CDKN2B: variants seen among roughly 807,000 people sequenced by gnomAD.
The protein encoded by CDKN2B is cyclin-dependent kinase 4 inhibitor B.
CDKN2B carries 8 observed loss-of-function variants against 7.7 expected under a neutral mutation model. The observed-to-expected ratio is 1.04, with a 90% CI of 0.61 to 1.87. The LOEUF (loss-of-function observed/expected upper bound fraction) is 1.87. Ranked by LOEUF, CDKN2B falls within the 40% of genes most tolerant of loss-of-function variation. The pLI is 0.00. For synonymous variants in CDKN2B, 93 were observed against 95.8 expected (o/e 0.97, Z 0.17); for missense variants, 244 against 213.1 (o/e 1.15, Z -0.90).
In CDKN2B at chr9:22,008,997, G is replaced by A. The variant is rs767144669; in HGVS notation, c.-44C>T. On this transcript the variant is annotated 5_prime_UTR_variant, in exon 1 of 2. Transcript: ENST00000276925. ...GCAGCGGCCCGGATAATCCACCGTTGGCCGTAAACTTAACGACACTCTTCC... is the reference window on the plus strand; with the variant it reads ...GCAGCGGCCCGGATAATCCACCGTTAGCCGTAAACTTAACGACACTCTTCC... The A allele has an allele frequency of 1.2e-6, 2 of 1,613,312 alleles. No homozygotes were observed. Among genetic ancestry groups the A allele is most frequent in the South Asian group, 2.2e-5 (2 of 91,058 alleles).
At position 22,003,888 on chromosome 9, in the gene CDKN2B, A is replaced by T. The variant is rs181031884; in HGVS notation, c.*2099T>A. 3,655 of 231,882 alleles carry T rather than the reference A, an allele frequency of 0.016. 331 individuals are homozygous for T. The East Asian group carries it at 0.19, about 12-fold the overall frequency. 14.4% of individuals were successfully genotyped at this position (231,882 alleles called of 1,614,324 possible). ...TCATTGTGTATTTCTGCTTTTTTTT[A>T]AAAAAAGTTATCTTCATGTGTATCA... On this transcript the variant is annotated 3_prime_UTR_variant, in exon 2 of 2. Coordinates refer to ENST00000276925, the MANE Select transcript of CDKN2B (RefSeq NM_004936.4).
Position 22,006,374 on chromosome 9 carries a change from G to T in CDKN2B, c.157-127C>A. On this transcript the variant is annotated intron_variant, in intron 1 of 1. Coordinates refer to ENST00000276925, the MANE Select transcript of CDKN2B (RefSeq NM_004936.4). This position sits in a 1 kb window ranked among gnomAD's most constrained non-coding sequence, Gnocchi z 6.4. ...CAAAGTTTTCACCCAGTGCAGAGGT[G>T]TTCAGGTCTCTGATGTCTGGTGTTT... The T allele has an allele frequency of 7.7e-7, 1 of 1,296,854 alleles. No homozygotes were observed. Among genetic ancestry groups the T allele is most frequent in the Non-Finnish European group, 1.1e-6 (1 of 931,620 alleles). The allele number at this position is 1,296,854 out of a possible 1,614,324, so 80.3% of individuals were successfully genotyped here.
At position 22,008,949 on chromosome 9, in the gene CDKN2B, C is replaced by G; in HGVS notation, c.5G>C (p.Arg2Pro). M[R>P]EENKGMPSGG... ...ACTGGGCATGCCCTTGTTCTCCTCG[C>G]GCATTCCGCAGCCCCCAGACGCGCA... Residue 2 changes from arginine (R) to proline (P), a missense_variant, in exon 1 of 2, where the codon CGC becomes CCC. Physicochemically the swap from Arg to Pro is moderately radical, Grantham distance 103 (BLOSUM62 -2). Coordinates refer to ENST00000276925, the MANE Select transcript of CDKN2B (RefSeq NM_004936.4). 1 of 1,613,058 alleles carries G rather than the reference C, an allele frequency of 6.2e-7. No homozygotes were observed. The highest frequency in any genetic ancestry group is 8.5e-7 in the Non-Finnish European group (1 of 1,179,962).
Position 22,009,100 on chromosome 9 carries a change from C to A in CDKN2B, c.-147G>T. 7.9e-7 allele frequency: 1 copy of A among 1,266,958 alleles called. No homozygotes were observed. Among genetic ancestry groups the A allele is most frequent in the Non-Finnish European group, 1.1e-6 (1 of 895,708 alleles). 78.5% of individuals were successfully genotyped at this position (1,266,958 alleles called of 1,614,324 possible). A position where few individuals can be genotyped will look rare whatever the true frequency, so the allele number is the denominator to read the frequency against. ...TCAGCTTCATTACCCTCCCGTCGTC[C>A]TTCTGCGGCTTGGGGCCCCGTGCAG... On this transcript the variant is annotated 5_prime_UTR_variant, in exon 1 of 2. It adds an upstream start codon to the 5' untranslated region. Transcript: ENST00000276925.
At position 22,004,433 on chromosome 9, in the gene CDKN2B, G is replaced by A. The variant is rs1821069190; in HGVS notation, c.*1554C>T. 1 of 232,238 alleles carries A rather than the reference G, an allele frequency of 4.3e-6. No homozygotes were observed. The highest frequency in any genetic ancestry group is 1.8e-4 in the South Asian group (1 of 5,518). 14.4% of individuals were successfully genotyped at this position (232,238 alleles called of 1,614,324 possible). On this transcript the variant is annotated 3_prime_UTR_variant, in exon 2 of 2. Coordinates refer to ENST00000276925, the MANE Select transcript of CDKN2B (RefSeq NM_004936.4). Reference sequence around the variant, plus strand: ...CATAAGTAAGCAGTTTTTATGAATTGCTGGTATTGCTTATGAGCAATTATT... The same window carrying A: ...CATAAGTAAGCAGTTTTTATGAATTACTGGTATTGCTTATGAGCAATTATT...
rs1025941833 is a variant in CDKN2B at position 22,005,418 on chromosome 9, T to A, written c.*569A>T. On this transcript the variant is annotated 3_prime_UTR_variant, in exon 2 of 2. Coordinates refer to ENST00000276925, the MANE Select transcript of CDKN2B (RefSeq NM_004936.4). The surrounding 1 kb of genome is among the most constrained non-coding windows in gnomAD (Gnocchi z 4.9). ...TGTCGTTTACGCATGTGACTTGCCATGCGCTCAAACTAAAGCGCCGCCGGG... is the reference window on the plus strand; with the variant it reads ...TGTCGTTTACGCATGTGACTTGCCAAGCGCTCAAACTAAAGCGCCGCCGGG... 4 of 246,978 alleles carry A rather than the reference T, an allele frequency of 1.6e-5. No homozygotes were observed. The highest frequency in any genetic ancestry group is 6.6e-5 in the African/African-American group (3 of 45,424). 15.3% of individuals were successfully genotyped at this position (246,978 alleles called of 1,614,324 possible).
Position 22,005,467 on chromosome 9 carries a change from C to T in CDKN2B, c.*520G>A. The T allele has an allele frequency of 3.9e-6, 1 of 253,908 alleles. No homozygotes were observed. The highest frequency in any genetic ancestry group is 5.7e-5 in the East Asian group (1 of 17,694). 15.7% of individuals were successfully genotyped at this position (253,908 alleles called of 1,614,324 possible). On this transcript the variant is annotated 3_prime_UTR_variant, in exon 2 of 2. Transcript: ENST00000276925. This position sits in a 1 kb window ranked among gnomAD's most constrained non-coding sequence, Gnocchi z 4.9. ...GGGACTTACTGAAGCCCACCTCGGC[C>T]CTCCTCCACTTTGTCCTCAGTCTTC...
Position 22,008,850 on chromosome 9 carries a change from T to C in CDKN2B, c.104A>G (p.Glu35Gly). Residue 35 changes from glutamate to glycine, a missense_variant, in exon 1 of 2, where the codon GAA becomes GGA. By Grantham distance (98) the Glu-to-Gly change is moderately conservative. Coordinates refer to ENST00000276925, the MANE Select transcript of CDKN2B (RefSeq NM_004936.4). ...GLVEKVRQLL[E>G]AGADPNGVNR... ...GACTCCGTTGGGATCCGCGCCGGCTTCCAGGAGCTGTCGCACCTTCTCCAC... is the reference window on the plus strand; with the variant it reads ...GACTCCGTTGGGATCCGCGCCGGCTCCCAGGAGCTGTCGCACCTTCTCCAC... 6.2e-7 allele frequency: 1 copy of C among 1,610,782 alleles called. No individual in the cohort carries two copies. Among genetic ancestry groups the C allele is most frequent in the Non-Finnish European group, 8.5e-7 (1 of 1,178,902 alleles).
rs773900368 is a variant in CDKN2B, at chr9:22,008,991, A to C, written c.-38T>G. ...AGACGCGCAGCGGCCCGGATAATCCACCGTTGGCCGTAAACTTAACGACAC... is the reference window on the plus strand; with the variant it reads ...AGACGCGCAGCGGCCCGGATAATCCCCCGTTGGCCGTAAACTTAACGACAC... On this transcript the variant is annotated 5_prime_UTR_variant, in exon 1 of 2. Transcript: ENST00000276925. The C allele has an allele frequency of 3.7e-6, 6 of 1,613,302 alleles. No individual in the cohort carries two copies. Among genetic ancestry groups the C allele is most frequent in the South Asian group, 3.3e-5 (3 of 91,068 alleles).
chr9:22,008,546 T>G, intron 1 of CDKN2B: 1 of 937,856 alleles, frequency 1.1e-6, no homozygotes, highest in South Asian at 1.7e-5. Flanking sequence ...ATTCAGTCTA[T>G]TCCTTGCATC....
rs1396958764 is a variant in CDKN2B, at chr9:22,004,148, G to A, written c.*1839C>T. On this transcript the variant is annotated 3_prime_UTR_variant, in exon 2 of 2. Transcript: ENST00000276925. Reference sequence around the variant, plus strand: ...TTAATGCATACCTGGTACAGATTATGTGTCAATAAACATATCCTTTCCCCA... The same window carrying A: ...TTAATGCATACCTGGTACAGATTATATGTCAATAAACATATCCTTTCCCCA... 4 of 232,300 alleles carry A rather than the reference G, an allele frequency of 1.7e-5. No homozygotes were observed. Among genetic ancestry groups the A allele is most frequent in the Non-Finnish European group, 3.4e-5 (4 of 117,598 alleles). 14.4% of individuals were successfully genotyped at this position (232,300 alleles called of 1,614,324 possible).
At position 22,003,830 on chromosome 9, in the gene CDKN2B, A is replaced by G; in HGVS notation, c.*2157T>C. On this transcript the variant is annotated 3_prime_UTR_variant, in exon 2 of 2. Coordinates refer to ENST00000276925, the MANE Select transcript of CDKN2B (RefSeq NM_004936.4). ...GTTTATATTTACTAGAAGTTAGAGA[A>G]AGAAAAGCCACCTTAGGAGCTTACA... is the stretch of plus-strand genomic sequence containing the variant. 1 of 232,370 alleles carries G rather than the reference A, an allele frequency of 4.3e-6. No homozygotes were observed. The highest frequency in any genetic ancestry group is 8.5e-6 in the Non-Finnish European group (1 of 117,524). 14.4% of individuals were successfully genotyped at this position (232,370 alleles called of 1,614,324 possible).
At position 22,006,235 on chromosome 9, in the gene CDKN2B, CCAT is replaced by C. The variant is rs1430566019; in HGVS notation, c.166_168del (p.Met56del). 2.5e-6 allele frequency: 4 copies of C among 1,605,646 alleles called. No individual in the cohort carries two copies. The Admixed American group carries it at 6.7e-5, about 27-fold the overall frequency. ...AGCAGCTCCGCCACGCGGGCGCTGC[CCAT>C]CATCATGACCTGCCAGAGAGAGCAG... On this transcript the variant is annotated inframe_deletion, in exon 2 of 2. Coordinates refer to ENST00000276925, the MANE Select transcript of CDKN2B (RefSeq NM_004936.4). This position sits in a 1 kb window ranked among gnomAD's most constrained non-coding sequence, Gnocchi z 6.4.
At position 22,005,927 on chromosome 9, in the gene CDKN2B, G is replaced by A. The variant is rs1821150035; in HGVS notation, c.*60C>T. 1.9e-6 allele frequency: 3 copies of A among 1,584,448 alleles called. No individual in the cohort carries two copies. The highest frequency in any genetic ancestry group is 3.4e-5 in the Admixed American group (2 of 58,620). ...TGGCAGCCTTCATCGAATTAGGTGG[G>A]TGGGGGTGGGAAATTGGGTAAGAAA... On this transcript the variant is annotated 3_prime_UTR_variant, in exon 2 of 2. Transcript: ENST00000276925. This position sits in a 1 kb window ranked among gnomAD's most constrained non-coding sequence, Gnocchi z 4.9.
chr9:22,007,222 C>T lies in CDKN2B; in HGVS notation c.157-975G>A, dbSNP rs1821232240. The stretch of plus-strand genomic sequence containing the variant: ...TACAAAAAATAAAAAATTAGCTGGG[C>T]ATGGTGGGGCGTGCCTGTAGTCCCA... On this transcript the variant is annotated intron_variant, in intron 1 of 1. Transcript: ENST00000276925. Among the ~76,000 whole-genome samples, 2 of 152,022 alleles carry T rather than the reference C, an allele frequency of 1.3e-5. 1 individual carries two copies. The highest frequency in any genetic ancestry group is 4.2e-4 in the South Asian group (2 of 4,818).
Position 22,003,392 on chromosome 9 carries a change from A to G in CDKN2B, c.*2595T>C, listed in dbSNP as rs1308791982. Reference sequence around the variant, plus strand: ...AGGTTGTCATTAGGAAAGATTCCACAAGTTATTTAAACCAGAAATGAAGTA... The same window carrying G: ...AGGTTGTCATTAGGAAAGATTCCACGAGTTATTTAAACCAGAAATGAAGTA... On this transcript the variant is annotated 3_prime_UTR_variant, in exon 2 of 2. Transcript: ENST00000276925. 56 of 225,282 alleles carry G rather than the reference A, an allele frequency of 2.5e-4. No homozygotes were observed. The East Asian group carries it at 3.6e-3, about 15-fold the overall frequency. 14.0% of individuals were successfully genotyped at this position (225,282 alleles called of 1,614,324 possible).
At position 22,004,884 on chromosome 9, in the gene CDKN2B, G is replaced by T. The variant is rs1346918095; in HGVS notation, c.*1103C>A. ...GAAACAATCAGAAAAATTTAACAAAGAAATAAATAGGTTAAGAAGAAAGCA... is the reference window on the plus strand; with the variant it reads ...GAAACAATCAGAAAAATTTAACAAATAAATAAATAGGTTAAGAAGAAAGCA... On this transcript the variant is annotated 3_prime_UTR_variant, in exon 2 of 2. Transcript: ENST00000276925. 1 of 233,078 alleles carries T rather than the reference G, an allele frequency of 4.3e-6. No individual in the cohort carries two copies. Among genetic ancestry groups the T allele is most frequent in the Non-Finnish European group, 8.5e-6 (1 of 118,044 alleles). The allele number at this position is 233,078 out of a possible 1,614,324, so 14.4% of individuals were successfully genotyped here. A position where few individuals can be genotyped will look rare whatever the true frequency, so the allele number is the denominator to read the frequency against.
Position 22,004,800 on chromosome 9 carries a change from T to C in CDKN2B, c.*1187A>G, listed in dbSNP as rs972628299. On this transcript the variant is annotated 3_prime_UTR_variant, in exon 2 of 2. Coordinates refer to ENST00000276925, the MANE Select transcript of CDKN2B (RefSeq NM_004936.4). ...TTACTGCATAAGTGCATCTATCTTC[T>C]AAAAGACATTTGGAATATTTCTTAG... 3.9e-5 allele frequency: 9 copies of C among 233,082 alleles called. No individual in the cohort carries two copies. The highest frequency in any genetic ancestry group is 7.6e-5 in the Non-Finnish European group (9 of 118,016). 14.4% of individuals were successfully genotyped at this position (233,082 alleles called of 1,614,324 possible). A position where few individuals can be genotyped will look rare whatever the true frequency, so the allele number is the denominator to read the frequency against.
rs1394292360 is a variant in CDKN2B at position 22,005,992 on chromosome 9, C to A, written c.412G>T (p.Asp138Tyr). The A allele has an allele frequency of 1.6e-5, 25 of 1,601,992 alleles. No individual in the cohort carries two copies. The highest frequency in any genetic ancestry group is 2.0e-5 in the Non-Finnish European group (24 of 1,179,772). The part of the protein sequence containing the change: ...VAGYLRTATG[D>Y] Reference sequence around the variant, plus strand: ...GGCGGCTGGGGAACCTGGCGTCAGTCCCCCGTGGCTGTGCGCAGGTACCCT... The same window carrying A: ...GGCGGCTGGGGAACCTGGCGTCAGTACCCCGTGGCTGTGCGCAGGTACCCT... Residue 138 changes from aspartate to tyrosine, a missense_variant, in exon 2 of 2, where the codon GAC becomes TAC. Coordinates refer to ENST00000276925, the MANE Select transcript of CDKN2B (RefSeq NM_004936.4). The surrounding 1 kb of genome is among the most constrained non-coding windows in gnomAD (Gnocchi z 4.9).
Sources: gnomAD v4.1 joint callset for allele counts (sites outside exome capture counted in the v4.1 genomes callset) on GRCh38, gnomAD v4.1.1 for gene constraint, Gnocchi (gnomAD v3.1) non-coding constraint, MANE v1.5 for transcripts, NCBI Gene and HGNC (gene_info 2026-07-23, HGNC 2026-07-21) for gene names.